LRP1B: variants seen among roughly 807,000 people sequenced by gnomAD.
The protein encoded by LRP1B is LDL receptor related protein 1B, also known as low-density lipoprotein receptor-related protein 1B.
LRP1B carries 217 observed loss-of-function variants against 556.6 expected under a neutral mutation model. The observed-to-expected ratio is 0.39, with a 90% CI of 0.35 to 0.44. The LOEUF (loss-of-function observed/expected upper bound fraction) is 0.44. LRP1B is among the 20% of genes least tolerant of loss of function. LRP1B has a pLI of 1.00. For synonymous variants in LRP1B, 2,047 were observed against 1,865.8 expected (o/e 1.10, Z -2.50); for missense variants, 5,053 against 5,620.8 (o/e 0.90, Z 3.23).
At chr2:141,523,061 T>G (rs756093281) in intron 2 of LRP1B, among the ~76,000 whole-genome samples, 11 of 152,116 alleles carry the variant, frequency 7.2e-5, no homozygotes, top group Non-Finnish European at 1.2e-4. Context: ...TATTTTCTTC[T>G]CTTAATACAG....
At chr2:140,345,379 T>G (rs988742930) in intron 77 of LRP1B, among the ~76,000 whole-genome samples, 2 of 151,690 alleles carry the variant, frequency 1.3e-5, no homozygotes, top group African/African-American at 4.8e-5. Flanking sequence ...CCTGATCTCT[T>G]CCTCAAAATA....
At chr2:140,965,897 ATG>A (rs1573930478) in intron 18 of LRP1B, among the ~76,000 whole-genome samples, 1 of 76,292 alleles carries the variant, frequency 1.3e-5, no homozygotes, top group Non-Finnish European at 2.9e-5. Flanking sequence ...TCCTTTTTTT[ATG>A]GCTGCATAGT....
chr2:141,364,027 TATC>T (rs1203738613), intron 3 of LRP1B, among the ~76,000 whole-genome samples: 1 of 152,136 alleles, frequency 6.6e-6, no homozygotes, highest in Non-Finnish European at 1.5e-5. Flanking sequence ...TTCTCCTCCA[TATC>T]ATACTTCTAT....
intron 1 of LRP1B, among the ~76,000 whole-genome samples, chr2:141,982,058 G>A (rs1702057877): frequency 6.6e-6 from 1 of 152,032 alleles, no homozygotes; most frequent in Admixed American, 6.6e-5. Flanking sequence ...AAATTTTGGG[G>A]GGATTCAGAT....
intron 3 of LRP1B, among the ~76,000 whole-genome samples, chr2:141,301,230 T>C (rs982270313): frequency 6.6e-6 from 1 of 152,190 alleles, no homozygotes; most frequent in Non-Finnish European, 1.5e-5. Flanking sequence ...TTACTCCATG[T>C]GTGTGAGAGA....
rs935935099 is a variant in LRP1B at position 141,454,041 on chromosome 2, C to G, written c.343+26355G>C. On this transcript the variant is annotated intron_variant, in intron 3 of 90. Coordinates refer to ENST00000389484, the MANE Select transcript of LRP1B (RefSeq NM_018557.3). The stretch of plus-strand genomic sequence containing the variant: ...ATGTACTATATTTCATTGCATTTCC[C>G]CATAACATCTTATGCCAACCTTGCC... Among the ~76,000 whole-genome samples, 5 of 152,142 alleles carry G rather than the reference C, an allele frequency of 3.3e-5. No homozygotes were observed. In the East Asian group the frequency reaches 5.8e-4, roughly 18 times the overall value.
chr2:141,745,245 C>T (rs1381423516), intron 2 of LRP1B, among the ~76,000 whole-genome samples: 1 of 152,140 alleles, frequency 6.6e-6, no homozygotes, highest in Admixed American at 6.5e-5. Flanking sequence ...GTGGCAAAGT[C>T]AGCTAGACTC....
chr2:140,944,406 T>G (rs1475446135), intron 20 of LRP1B, among the ~76,000 whole-genome samples: 9 of 152,108 alleles, frequency 5.9e-5, no homozygotes, highest in African/African-American at 2.2e-4. Flanking sequence ...GACTCCTTTG[T>G]AATTGATTCT....
chr2:140,624,933 G>A (rs977690475), intron 41 of LRP1B, among the ~76,000 whole-genome samples: 32 of 152,302 alleles, frequency 2.1e-4, no homozygotes, highest in African/African-American at 5.3e-4. Flanking sequence ...AGAAGAAACA[G>A]CGTATGTCAA....
At chr2:141,881,542 TA>T (rs1183494217) in intron 1 of LRP1B, among the ~76,000 whole-genome samples, 2 of 152,132 alleles carry the variant, frequency 1.3e-5, no homozygotes, top group Non-Finnish European at 2.9e-5. Context: ...TGCTTTTTAT[TA>T]TCAATCTATT....
chr2:140,788,659 A>C (rs572540508), intron 32 of LRP1B, among the ~76,000 whole-genome samples: 183 of 152,340 alleles, frequency 1.2e-3, no homozygotes, highest in African/African-American at 4.2e-3. Flanking sequence ...TTAGGAAAGT[A>C]ATGAATCATT....
At chr2:141,973,312 T>A (rs2105079760) in intron 1 of LRP1B, among the ~76,000 whole-genome samples, 1 of 151,858 alleles carries the variant, frequency 6.6e-6, no homozygotes, top group East Asian at 1.9e-4. Flanking sequence ...TCTAGAAACT[T>A]TTTTGTTTGG....
At chr2:141,817,212 CT>C (rs1487541200) in intron 1 of LRP1B, among the ~76,000 whole-genome samples, 2 of 152,024 alleles carry the variant, frequency 1.3e-5, no homozygotes, top group Admixed American at 6.6e-5. Context: ...AAATGTTTTC[CT>C]ATTATATGAA....
At chr2:140,452,887 A>T (rs572829086) in intron 62 of LRP1B, among the ~76,000 whole-genome samples, 8 of 151,476 alleles carry the variant, frequency 5.3e-5, no homozygotes, top group Non-Finnish European at 1.2e-4. Context: ...TATGAATCCA[A>T]TGGGAGATCT....
intron 3 of LRP1B, among the ~76,000 whole-genome samples, chr2:141,464,584 G>GTATATATATATATATATATATATATATA (rs1236041290): frequency 3.4e-5 from 3 of 88,404 alleles, no homozygotes; most frequent in African/African-American, 8.0e-5. Context: ...GGCTAATTTT[G>GTATATATATATATATATATATATATATA]TATATATATA....
At chr2:141,039,624 T>A (rs1258160368) in intron 11 of LRP1B, among the ~76,000 whole-genome samples, 1 of 152,052 alleles carries the variant, frequency 6.6e-6, no homozygotes, top group Non-Finnish European at 1.5e-5. Context: ...TGAGCTCACA[T>A]GTGTATATAC....
rs758494735 is a variant in LRP1B at position 140,851,701 on chromosome 2, A to G, written c.4662T>C (p.Cys1554=). The change falls in exon 28 of 91, where the codon TGT becomes TGC. Residue 1554 remains cysteine, a synonymous_variant. Coordinates refer to ENST00000389484, the MANE Select transcript of LRP1B (RefSeq NM_018557.3). Reference sequence around the variant, plus strand: ...AAAGCTTCATCAAGTGGGGGCACGCACAGGCAGCACTCCTATTGTGATTGA... The same window carrying G: ...AAAGCTTCATCAAGTGGGGGCACGCGCAGGCAGCACTCCTATTGTGATTGA... The part of the protein sequence containing the change: ...CLINHNRSAA[C]ACPHLMKLSS... 3 of 1,612,400 alleles carry G rather than the reference A, an allele frequency of 1.9e-6. No homozygotes were observed. In the Admixed American group the frequency reaches 5.0e-5, roughly 27 times the overall value.
chr2:140,391,188 T>TA (rs1424140740), intron 66 of LRP1B, among the ~76,000 whole-genome samples: 3 of 152,036 alleles, frequency 2.0e-5, no homozygotes, highest in African/African-American at 7.2e-5. Context: ...TACCCAAGAA[T>TA]AAAAAAACTA....
intron 32 of LRP1B, 40 bp downstream of exon 32, chr2:140,813,617 T>C (rs1691003264): frequency 6.3e-7 from 1 of 1,595,382 alleles, no homozygotes; most frequent in African/African-American, 1.3e-5. Flanking sequence ...CAACCCCCAA[T>C]CAATACAAAG....
Sources: gnomAD v4.1 joint callset for allele counts (sites outside exome capture counted in the v4.1 genomes callset) on GRCh38, gnomAD v4.1.1 for gene constraint, MANE v1.5 for transcripts, NCBI Gene and HGNC (gene_info 2026-07-23, HGNC 2026-07-21) for gene names.